Variants in RASGRP3 observed in about 807,000 individuals in gnomAD.
RASGRP3 encodes the protein RAS guanyl releasing protein 3, also known as ras guanyl-releasing protein 3.
Under a neutral mutation model 82.7 loss-of-function variants are expected in RASGRP3, and 54 were observed. The observed-to-expected ratio is 0.65, with a 90% CI of 0.52 to 0.82. The LOEUF (loss-of-function observed/expected upper bound fraction) is 0.82, where lower values mean the gene tolerates loss of function less well. Among genes scored for constraint, RASGRP3 ranks in the 40% least tolerant of loss-of-function variants. The probability of loss-of-function intolerance (pLI) is 0.00; values close to 1 mark genes in which losing one functional copy is unlikely to be tolerated. For missense variants in RASGRP3, 861 were observed against 828.9 expected, an observed-to-expected ratio of 1.04 and a Z score of -0.48; for synonymous variants, 309 against 300.5, an observed-to-expected ratio of 1.03 and a Z score of -0.29.
intron 1 of RASGRP3, among the ~76,000 whole-genome samples, chr2:33,444,885 AT>A (rs1665422549): frequency 6.6e-6 from 1 of 152,252 alleles, no homozygotes; most frequent in Non-Finnish European, 1.5e-5. Context: ...AATTTTAGGT[AT>A]AGGAATAGAT....
intron 2 of RASGRP3, among the ~76,000 whole-genome samples, chr2:33,465,865 T>G (rs538096369): frequency 6.6e-6 from 1 of 152,252 alleles, no homozygotes; most frequent in South Asian, 2.1e-4. Flanking sequence ...CTAAATCTAT[T>G]TTGCTTTTTC....
intron 4 of RASGRP3, among the ~76,000 whole-genome samples, chr2:33,517,087 C>A (rs1164532008): frequency 2.6e-5 from 4 of 152,204 alleles, no homozygotes; most frequent in African/African-American, 9.7e-5. Context: ...TTAGTTTTCA[C>A]ATCTCCCCTT....
chr2:33,538,003 A>C (rs950643383), intron 11 of RASGRP3, among the ~76,000 whole-genome samples: 2 of 152,240 alleles, frequency 1.3e-5, no homozygotes, highest in Non-Finnish European at 2.9e-5. Flanking sequence ...GTAAGGACAT[A>C]AACTTGGCCA....
At chr2:33,481,087 T>C (rs1667851087) in intron 1 of RASGRP3, 1 of 152,230 alleles carries the variant, frequency 6.6e-6, no homozygotes, top group African/African-American at 2.4e-5. Flanking sequence ...AAAGTAACTG[T>C]CAGAGCTCAA....
intron 14 of RASGRP3, among the ~76,000 whole-genome samples, chr2:33,550,119 G>T (rs17597647): frequency 0.14 from 21,959 of 152,112 alleles, 2,033 homozygotes; most frequent in Non-Finnish European, 0.18. Context: ...TCATTTCATG[G>T]GGTATTAGTG....
intron 2 of RASGRP3, among the ~76,000 whole-genome samples, chr2:33,454,978 T>C (rs566163096): frequency 1.2e-4 from 18 of 152,312 alleles, no homozygotes; most frequent in African/African-American, 3.4e-4. Context: ...GGGATCATGA[T>C]TGGCTCAGTT....
At chr2:33,450,232 T>C (rs557926437) in intron 2 of RASGRP3, among the ~76,000 whole-genome samples, 2 of 152,302 alleles carry the variant, frequency 1.3e-5, no homozygotes, top group South Asian at 4.1e-4. Context: ...ATACCAATCA[T>C]TATTTTTGTG....
Position 33,540,745 on chromosome 2 carries a change from C to T in RASGRP3, c.1278+1535C>T, listed in dbSNP as rs1014059768. Among the ~76,000 whole-genome samples the T allele has an allele frequency of 9.7e-5, 14 of 144,764 alleles. 4 individuals are homozygous for T. The highest frequency in any genetic ancestry group is 2.5e-5 in the African/African-American group (1 of 40,668). The allele number at this position is 144,764 out of a possible 152,430, so 95.0% of individuals were successfully genotyped here. On this transcript the variant is annotated intron_variant, in intron 12 of 17. Coordinates refer to ENST00000403687, the MANE Select transcript of RASGRP3 (RefSeq NM_001139488.2). Reference sequence around the variant, plus strand: ...CAGGATTTTATGATGAATTTTACTCCGCAAAAAATCTTCTACTCGTGGTAT... The same window carrying T: ...CAGGATTTTATGATGAATTTTACTCTGCAAAAAATCTTCTACTCGTGGTAT...
At chr2:33,539,439 C>A in intron 12 of RASGRP3, 1 of 390,070 alleles carries the variant, frequency 2.6e-6, no homozygotes, top group Admixed American at 4.1e-5. Flanking sequence ...TCAGCTACTT[C>A]CAGCTCCTCT....
chr2:33,506,173 A>G (rs17013170), intron 1 of RASGRP3, among the ~76,000 whole-genome samples: 10,348 of 152,242 alleles, frequency 0.068, 734 homozygotes, highest in East Asian at 0.19. Flanking sequence ...TGTAATAGTG[A>G]ACGTTATTCA....
chr2:33,491,745 G>T (rs561858687), intron 1 of RASGRP3, among the ~76,000 whole-genome samples: 2 of 152,364 alleles, frequency 1.3e-5, no homozygotes, highest in African/African-American at 4.8e-5. Flanking sequence ...TTTTTGTGAT[G>T]TGGCTAGAAT....
chr2:33,533,057 T>G (rs1673257560), intron 10 of RASGRP3: 1 of 152,196 alleles, frequency 6.6e-6, no homozygotes, highest in Non-Finnish European at 1.5e-5. Flanking sequence ...TAAAGAAAAC[T>G]TTTCATTCCT....
intron 1 of RASGRP3, among the ~76,000 whole-genome samples, chr2:33,489,227 A>T (rs56262410): frequency 0.033 from 5,051 of 152,304 alleles, 223 homozygotes; most frequent in African/African-American, 0.1. Flanking sequence ...AGAAATCCTG[A>T]TCTATGTGAA....
chr2:33,477,334 G>A (rs1278951647), intron 1 of RASGRP3, among the ~76,000 whole-genome samples: 3 of 152,102 alleles, frequency 2.0e-5, no homozygotes, highest in Admixed American at 1.3e-4. Flanking sequence ...GTATTTTATA[G>A]CGACTTTTTT....
At chr2:33,543,167 C>T (rs1231592522) in intron 12 of RASGRP3, among the ~76,000 whole-genome samples, 2 of 152,114 alleles carry the variant, frequency 1.3e-5, no homozygotes, top group African/African-American at 4.8e-5. Flanking sequence ...CATGCACCAC[C>T]GTGCCCAGCT....
chr2:33,472,816 C>T (rs138792818), upstream of RASGRP3, among the ~76,000 whole-genome samples: 26 of 132,986 alleles, frequency 2.0e-4, no homozygotes, highest in East Asian at 1.7e-3. Context: ...TTGCCGGGCG[C>T]GGTGGGTCAC....
In RASGRP3 at chr2:33,553,100, T is replaced by G. The variant is rs570560274; in HGVS notation, c.1543-2431T>G. ...AGCACCCTTGCTTGACTGTATCTTTTTCAGCAGTTCCTGCAGCAATGCTAA... is the reference window on the plus strand; with the variant it reads ...AGCACCCTTGCTTGACTGTATCTTTGTCAGCAGTTCCTGCAGCAATGCTAA... On this transcript the variant is annotated intron_variant, in intron 14 of 17. Transcript: ENST00000403687. Among the ~76,000 whole-genome samples, 15 of 150,970 alleles carry G rather than the reference T, an allele frequency of 9.9e-5. No homozygotes were observed. In the South Asian group the frequency reaches 3.2e-3, roughly 32 times the overall value.
chr2:33,547,468 C>T (rs1243187778), intron 13 of RASGRP3, among the ~76,000 whole-genome samples: 1 of 139,190 alleles, frequency 7.2e-6, no homozygotes. Flanking sequence ...GTTCTCAAGC[C>T]TGGGGGAAAA....
At chr2:33,537,331 C>CA (rs1673749605) in intron 11 of RASGRP3, among the ~76,000 whole-genome samples, 4 of 27,820 alleles carry the variant, frequency 1.4e-4, no homozygotes, top group East Asian at 7.9e-4. Context: ...CCGCCCCCCC[C>CA]ACACACACAC....
Sources: allele counts gnomAD v4.1 joint callset (sites outside exome capture counted in the v4.1 genomes callset), GRCh38; gene constraint gnomAD v4.1.1; transcripts MANE v1.5; gene names NCBI Gene and HGNC (gene_info 2026-07-23, HGNC 2026-07-21).